The following CFAP53 variants were observed in gnomAD, a reference collection of about 807,000 sequenced individuals.
The protein encoded by CFAP53 is cilia- and flagella-associated protein 53.
CFAP53 carries 62 observed loss-of-function variants against 59.7 expected under a neutral mutation model. The observed-to-expected ratio is 1.04, with a 90% CI of 0.85 to 1.28. CFAP53 has a LOEUF of 1.28. Ranked by LOEUF, CFAP53 falls within the 50% of genes most tolerant of loss-of-function variation. The pLI, the probability that CFAP53 is intolerant of heterozygous loss-of-function variation, is 0.00. For missense variants in CFAP53, 629 were observed against 615.6 expected (o/e 1.02, Z -0.23); for synonymous variants, 218 against 205.7 (o/e 1.06, Z -0.51).
Position 50,227,411 on chromosome 18 carries a change from G to C in CFAP53, c.1515C>G (p.Arg505=), listed in dbSNP as rs370574673. 1 of 1,613,888 alleles carries C rather than the reference G, an allele frequency of 6.2e-7. No individual in the cohort carries two copies. The highest frequency in any genetic ancestry group is 8.5e-7 in the Non-Finnish European group (1 of 1,179,878). The change falls in exon 8 of 8, where the codon CGC becomes CGG. Residue 505 remains arginine, a synonymous_variant. Transcript: ENST00000398545. ...QVLPQNIHPM[R]KACPSKLPP ...GTGGAAGCTTACTGGGGCATGCCTTGCGCATGGGATGAATGTTTTGAGGCA... is the reference window on the plus strand; with the variant it reads ...GTGGAAGCTTACTGGGGCATGCCTTCCGCATGGGATGAATGTTTTGAGGCA...
chr18:50,251,841 T>C (rs995252323), intron 3 of CFAP53, 57 bp from the exon 4 acceptor site: 2 of 1,416,180 alleles, frequency 1.4e-6, no homozygotes, highest in Admixed American at 1.8e-5. Flanking sequence ...ACTGCTCTAT[T>C]GAGGCACACA....
At chr18:50,239,834 G>A (rs2033671649) in intron 6 of CFAP53, among the ~76,000 whole-genome samples, 1 of 152,176 alleles carries the variant, frequency 6.6e-6, no homozygotes, top group Admixed American at 6.5e-5. Flanking sequence ...ACACAAAGCT[G>A]TGAATAGTAG....
Position 50,250,959 on chromosome 18 carries a change from CTG to C in CFAP53, c.793_794del (p.Gln265AspfsTer2). On this transcript the variant is annotated frameshift_variant, in exon 5 of 8. Coordinates refer to ENST00000398545, the MANE Select transcript of CFAP53 (RefSeq NM_145020.5). LOFTEE classifies it high-confidence loss of function. Reference sequence around the variant, plus strand: ...TATCCTGTTCATTCTCATGTTTAATCTGTGCGTTGTTACTTTCCTAAGGTAGA... The same window carrying C: ...TATCCTGTTCATTCTCATGTTTAATCTGCGTTGTTACTTTCCTAAGGTAGA... ...EARLVESNNA[Q>X]IKHENEQDML... 6.2e-7 allele frequency: 1 copy of C among 1,614,022 alleles called. No homozygotes were observed. The highest frequency in any genetic ancestry group is 1.1e-5 in the South Asian group (1 of 91,076).
intron 7 of CFAP53, among the ~76,000 whole-genome samples, chr18:50,228,528 T>G (rs978914596): frequency 6.6e-6 from 1 of 152,104 alleles, no homozygotes; most frequent in Non-Finnish European, 1.5e-5. Flanking sequence ...TGGTGGCTCA[T>G]GCATGTAATC....
intron 7 of CFAP53, among the ~76,000 whole-genome samples, chr18:50,233,795 C>T (rs1256553788): frequency 2.0e-5 from 3 of 152,210 alleles, no homozygotes; most frequent in Non-Finnish European, 2.9e-5. Flanking sequence ...AACATTATAT[C>T]CTAGCAGTCC....
intron 5 of CFAP53, among the ~76,000 whole-genome samples, chr18:50,248,175 C>T (rs1454268604): frequency 2.1e-5 from 3 of 146,180 alleles, no homozygotes; most frequent in Non-Finnish European, 4.5e-5. Flanking sequence ...CATGAAGAGA[C>T]ATTTCATTGA....
At position 50,242,963 on chromosome 18, in the gene CFAP53, C is replaced by T; in HGVS notation, c.1150G>A (p.Glu384Lys). 6.2e-7 allele frequency: 1 copy of T among 1,614,068 alleles called. No individual in the cohort carries two copies. Among genetic ancestry groups the T allele is most frequent in the Non-Finnish European group, 8.5e-7 (1 of 1,180,028 alleles). Residue 384 changes from glutamate (E) to lysine (K), a missense_variant, in exon 6 of 8, where the codon GAG (glutamate) becomes AAG (lysine). Physicochemically the swap from Glu to Lys is moderately conservative, Grantham distance 56 (BLOSUM62 1). Transcript: ENST00000398545. ...TCATCCACAAGCTGTCTCCTTGCCTCCTTTTCAAGTCTCAGCTCCTTGTCC... is the reference window on the plus strand; with the variant it reads ...TCATCCACAAGCTGTCTCCTTGCCTTCTTTTCAAGTCTCAGCTCCTTGTCC... ...EKDKELRLEKEARRQLVDEVM... is the reference protein window; with the variant it reads ...EKDKELRLEKKARRQLVDEVM...
chr18:50,244,982 G>C (rs553822721), intron 5 of CFAP53, among the ~76,000 whole-genome samples: 1 of 145,062 alleles, frequency 6.9e-6, no homozygotes, highest in Non-Finnish European at 1.5e-5. Flanking sequence ...AAGATCACTT[G>C]AACCTGGGAG....
chr18:50,228,190 C>A (rs1391414521), intron 7 of CFAP53, among the ~76,000 whole-genome samples: 1 of 151,294 alleles, frequency 6.6e-6, no homozygotes, highest in East Asian at 2.0e-4. Flanking sequence ...AACTCCTGAC[C>A]TCAAGTGATC....
intron 5 of CFAP53, among the ~76,000 whole-genome samples, chr18:50,246,135 C>T (rs2033742000): frequency 6.6e-6 from 1 of 152,224 alleles, no homozygotes; most frequent in Non-Finnish European, 1.5e-5. Flanking sequence ...GGTGATCCTC[C>T]TGCCTCAGCC....
chr18:50,263,377 T>A (rs1478279727), intron 1 of CFAP53, among the ~76,000 whole-genome samples: 1 of 152,100 alleles, frequency 6.6e-6, no homozygotes, highest in African/African-American at 2.4e-5. Flanking sequence ...AATACTAGGG[T>A]TAGGTGTTTG....
intron 5 of CFAP53, among the ~76,000 whole-genome samples, chr18:50,246,946 G>T (rs1029218105): frequency 1.3e-5 from 2 of 152,080 alleles, no homozygotes; most frequent in Non-Finnish European, 2.9e-5. Context: ...AACTCAGAAG[G>T]CTGAGGCAGG....
intron 3 of CFAP53, among the ~76,000 whole-genome samples, chr18:50,260,309 G>A (rs1306749382): frequency 6.6e-6 from 1 of 152,102 alleles, no homozygotes; most frequent in Non-Finnish European, 1.5e-5. Flanking sequence ...TGCCTTATAA[G>A]TCCAGGTGAT....
intron 5 of CFAP53, among the ~76,000 whole-genome samples, chr18:50,244,505 T>C (rs968040757): frequency 6.6e-6 from 1 of 152,184 alleles, no homozygotes; most frequent in African/African-American, 2.4e-5. Flanking sequence ...TAGTTCTTTA[T>C]AGCAGTGTGA....
intron 7 of CFAP53, among the ~76,000 whole-genome samples, chr18:50,233,439 C>T (rs148207306): frequency 5.3e-5 from 8 of 152,264 alleles, no homozygotes; most frequent in African/African-American, 1.2e-4. Flanking sequence ...AGGTAGTTTA[C>T]GACTGCTATT....
chr18:50,265,961 GTCTCTGGGCCGGGTGCC>G (rs2033959486), intron 1 of CFAP53, among the ~76,000 whole-genome samples: 1 of 152,194 alleles, frequency 6.6e-6, no homozygotes, highest in Admixed American at 6.5e-5. Context: ...CCCCAGATCT[GTCTCTGGGCCGGGTGCC>G]CTTTCCATAA....
chr18:50,236,908 C>T (rs1288718717), intron 7 of CFAP53, among the ~76,000 whole-genome samples: 1 of 152,150 alleles, frequency 6.6e-6, no homozygotes, highest in Non-Finnish European at 1.5e-5. Context: ...TGTAATACCT[C>T]TGCCCATAAT....
intron 5 of CFAP53, among the ~76,000 whole-genome samples, chr18:50,249,390 T>C (rs8096142): frequency 0.98 from 149,340 of 151,780 alleles, 73,517 homozygotes; most frequent in East Asian, 1. Flanking sequence ...TGGTGGCTTG[T>C]GCCTGTAATC....
At chr18:50,228,804 A>G (rs570218814) in intron 7 of CFAP53, among the ~76,000 whole-genome samples, 64 of 152,112 alleles carry the variant, frequency 4.2e-4, no homozygotes, top group Non-Finnish European at 8.4e-4. Context: ...AAACAAACAA[A>G]CAAACAAAAA....
Sources: gnomAD v4.1 joint callset for allele counts (sites outside exome capture counted in the v4.1 genomes callset) on GRCh38, gnomAD v4.1.1 for gene constraint, MANE v1.5 for transcripts, NCBI Gene and HGNC (gene_info 2026-07-23, HGNC 2026-07-21) for gene names.